PLGRKT: variants seen among roughly 807,000 people sequenced by gnomAD.
The protein encoded by PLGRKT is plasminogen receptor with a C-terminal lysine.
A neutral mutation model predicts 18.5 loss-of-function variants in PLGRKT; 22 were observed. The ratio of observed to expected loss-of-function variants is 1.19; its 90% CI spans 0.85 to 1.70. The LOEUF (loss-of-function observed/expected upper bound fraction) is 1.70, where lower values mean the gene tolerates loss of function less well. Ranked by LOEUF, PLGRKT falls within the 40% of genes most tolerant of loss-of-function variation. The pLI is 0.00. For missense variants in PLGRKT, 235 were observed against 174.4 expected (o/e 1.35, Z -1.96); for synonymous variants, 72 against 52.8 (o/e 1.36, Z -1.58).
intron 3 of PLGRKT, among the ~76,000 whole-genome samples, chr9:5,414,348 G>A (rs761279094): frequency 6.6e-6 from 1 of 152,162 alleles, no homozygotes; most frequent in Non-Finnish European, 1.5e-5. Context: ...TGTATTTTTA[G>A]TAGAGACGGA....
At chr9:5,361,718 G>T (rs780561021) in intron 4 of PLGRKT, 40 bp downstream of exon 4, 1 of 1,571,954 alleles carries the variant, frequency 6.4e-7, no homozygotes, top group Non-Finnish European at 8.6e-7. Context: ...AACACAAAAA[G>T]AAGTAAATGA....
intron 3 of PLGRKT, among the ~76,000 whole-genome samples, chr9:5,392,089 G>A (rs1334340569): frequency 6.6e-6 from 1 of 151,972 alleles, no homozygotes; most frequent in Non-Finnish European, 1.5e-5. Context: ...GGCTAAGCAT[G>A]CTGAACACAC....
intron 3 of PLGRKT, among the ~76,000 whole-genome samples, chr9:5,387,356 A>G (rs2131103827): frequency 6.6e-6 from 1 of 152,022 alleles, no homozygotes; most frequent in East Asian, 1.9e-4. Context: ...ATTTTCATTC[A>G]TAGCAACAAT....
intron 3 of PLGRKT, among the ~76,000 whole-genome samples, chr9:5,409,080 T>G (rs1818311135): frequency 6.6e-6 from 1 of 152,182 alleles, no homozygotes. Flanking sequence ...AGATTCCTCA[T>G]GGAGAACCTC....
chr9:5,381,896 C>A (rs1037767842), intron 3 of PLGRKT: 1 of 984,956 alleles, frequency 1.0e-6, no homozygotes. Flanking sequence ...TACCAAATCA[C>A]AGAGGGACCA....
chr9:5,424,091 A>T (rs916634159), intron 3 of PLGRKT, among the ~76,000 whole-genome samples: 2 of 143,792 alleles, frequency 1.4e-5, no homozygotes, highest in Non-Finnish European at 3.0e-5. Context: ...AATATATAAT[A>T]TATATTATAT....
At chr9:5,412,934 G>T (rs1390796632) in intron 3 of PLGRKT, among the ~76,000 whole-genome samples, 1 of 150,916 alleles carries the variant, frequency 6.6e-6, no homozygotes, top group Admixed American at 6.6e-5. Flanking sequence ...CCAATAAACA[G>T]AAAATTCACA....
chr9:5,371,062 G>T (rs1817504757), intron 3 of PLGRKT, among the ~76,000 whole-genome samples: 1 of 152,096 alleles, frequency 6.6e-6, no homozygotes, highest in Non-Finnish European at 1.5e-5. Context: ...TTCCAATAAA[G>T]ATTACAACAT....
chr9:5,411,764 C>T (rs1818370645), intron 3 of PLGRKT, among the ~76,000 whole-genome samples: 1 of 152,184 alleles, frequency 6.6e-6, no homozygotes, highest in Non-Finnish European at 1.5e-5. Context: ...CTTAAAATTT[C>T]ATTTTTTCTT....
rs1333605846 is a variant in PLGRKT, at chr9:5,428,022, AG to A, written c.81+3874del. Reference sequence around the variant, plus strand: ...TCATACTCCCTTCTGGGGTGGGAGAAGGGAGGATGTTATCAATGACAATGGG... The same window carrying A: ...TCATACTCCCTTCTGGGGTGGGAGAAGGAGGATGTTATCAATGACAATGGG... On this transcript the variant is annotated intron_variant, in intron 3 of 5. Transcript: ENST00000223864. Among the ~76,000 whole-genome samples, 3 of 152,236 alleles carry A rather than the reference AG, an allele frequency of 2.0e-5. No homozygotes were observed. The East Asian group carries it at 5.8e-4, about 29-fold the overall frequency.
At chr9:5,425,510 C>T (rs946195431) in intron 3 of PLGRKT, among the ~76,000 whole-genome samples, 1 of 152,134 alleles carries the variant, frequency 6.6e-6, no homozygotes, top group Non-Finnish European at 1.5e-5. Context: ...TAATTGAAAA[C>T]TTGCTTGGTT....
chr9:5,398,392 C>A (rs912681359), intron 3 of PLGRKT, among the ~76,000 whole-genome samples: 1 of 151,860 alleles, frequency 6.6e-6, no homozygotes, highest in Admixed American at 6.6e-5. Flanking sequence ...GACAACCGAT[C>A]CAAGGAGAGA....
At chr9:5,367,570 A>T (rs1163024384) in intron 3 of PLGRKT, among the ~76,000 whole-genome samples, 3 of 152,156 alleles carry the variant, frequency 2.0e-5, no homozygotes, top group Non-Finnish European at 4.4e-5. Context: ...CCTACCTATC[A>T]CCATATACAA....
At chr9:5,432,286 T>C (rs1052957910) in intron 2 of PLGRKT, among the ~76,000 whole-genome samples, 6 of 152,208 alleles carry the variant, frequency 3.9e-5, no homozygotes, top group African/African-American at 1.4e-4. Context: ...ACCATAAATC[T>C]TGAAGAACTG....
chr9:5,424,668 T>TTATATATATATATA (rs375682412), intron 3 of PLGRKT, among the ~76,000 whole-genome samples: 53 of 113,146 alleles, frequency 4.7e-4, no homozygotes, highest in African/African-American at 1.9e-3. Context: ...ATTATATATT[T>TTATATATATATATA]TATATATATA....
intron 2 of PLGRKT, among the ~76,000 whole-genome samples, chr9:5,434,371 C>G (rs556327949): frequency 2.8e-5 from 4 of 144,578 alleles, no homozygotes; most frequent in African/African-American, 1.1e-4. Flanking sequence ...GCCCGGCCGC[C>G]CCATTTGGGA....
rs150884845 is a variant in PLGRKT at position 5,431,910 on chromosome 9, T to G, written c.68A>C (p.Asn23Thr). Residue 23 changes from asparagine to threonine, a missense_variant, in exon 3 of 6, where the codon AAT becomes ACT. Asn to Thr is a moderately conservative substitution (Grantham distance 65, BLOSUM62 0). Transcript: ENST00000223864. ...MKNQKEFMLM[N>T]ARLQLERQLI... Reference sequence around the variant, plus strand: ...TTTAAAACATACCTGAAGTCGAGCATTCATAAGCATGAACTCCTTTTGATT... The same window carrying G: ...TTTAAAACATACCTGAAGTCGAGCAGTCATAAGCATGAACTCCTTTTGATT... 6.6e-7 allele frequency: 1 copy of G among 1,509,222 alleles called. No individual in the cohort carries two copies. The highest frequency in any genetic ancestry group is 1.1e-5 in the South Asian group (1 of 88,474). The allele number at this position is 1,509,222 out of a possible 1,614,324, so 93.5% of individuals were successfully genotyped here. A position where few individuals can be genotyped will look rare whatever the true frequency, so the allele number is the denominator to read the frequency against.
chr9:5,362,994 CCCT>C (rs1271604274), intron 3 of PLGRKT, among the ~76,000 whole-genome samples: 3 of 152,000 alleles, frequency 2.0e-5, no homozygotes, highest in Non-Finnish European at 1.5e-5. Flanking sequence ...GCTTCCATCT[CCCT>C]CAACAGCCAA....
intron 3 of PLGRKT, among the ~76,000 whole-genome samples, chr9:5,390,892 G>T (rs530658637): frequency 1.3e-5 from 2 of 151,776 alleles, no homozygotes; most frequent in East Asian, 3.8e-4. Flanking sequence ...AAAGAAAAAA[G>T]TTCTATTTAC....
Sources: gnomAD v4.1 joint callset for allele counts (sites outside exome capture counted in the v4.1 genomes callset) on GRCh38, gnomAD v4.1.1 for gene constraint, MANE v1.5 for transcripts, NCBI Gene and HGNC (gene_info 2026-07-23, HGNC 2026-07-21) for gene names.